Variants in NXPE2 observed in about 807,000 individuals in gnomAD.
NXPE2 encodes neurexophilin and PC-esterase domain family member 2, also known as NXPE family member 2.
In NXPE2, 34 loss-of-function variants were observed where a neutral mutation model predicts 34.4. The ratio of observed to expected loss-of-function variants is 0.99; its 90% confidence interval spans 0.75 to 1.31. NXPE2 has a LOEUF of 1.31. NXPE2 is among the 40% of genes most tolerant of loss of function. NXPE2 has a pLI of 0.00. For synonymous variants in NXPE2, 235 were observed against 231.3 expected, an observed-to-expected ratio of 1.02 and a Z score of -0.15; for missense variants, 649 against 672.5, an observed-to-expected ratio of 0.97 and a Z score of 0.39.
At chr11:114,670,204 C>T in the NXPE2 span, among the ~76,000 whole-genome samples, 1 of 151,862 alleles carries the variant, frequency 6.6e-6, no homozygotes, top group Admixed American at 6.6e-5. Flanking sequence ...TAGAGGCTAT[C>T]CATTAGGTAT....
chr11:114,619,391 G>A, the NXPE2 span, among the ~76,000 whole-genome samples: 4 of 151,906 alleles, frequency 2.6e-5, no homozygotes, highest in African/African-American at 7.3e-5. Context: ...GGTAACCACT[G>A]TTACCCAGTG....
At chr11:114,654,567 T>G in the NXPE2 span, among the ~76,000 whole-genome samples, 1 of 152,080 alleles carries the variant, frequency 6.6e-6, no homozygotes, top group Non-Finnish European at 1.5e-5. Context: ...GTGAGAACAT[T>G]CGGTGTTTGG....
At chr11:114,627,991 C>A in the NXPE2 span, among the ~76,000 whole-genome samples, 1 of 151,674 alleles carries the variant, frequency 6.6e-6, no homozygotes, top group Non-Finnish European at 1.5e-5. Flanking sequence ...ATATATGGAC[C>A]CAACACAGGA....
chr11:114,621,738 C>T, the NXPE2 span, among the ~76,000 whole-genome samples: 13 of 152,208 alleles, frequency 8.5e-5, no homozygotes, highest in East Asian at 5.8e-4. Context: ...TGGGTAACCA[C>T]GGTTAACTGC....
At chr11:114,767,455 C>T in the NXPE2 span, among the ~76,000 whole-genome samples, 1 of 152,218 alleles carries the variant, frequency 6.6e-6, no homozygotes, top group Non-Finnish European at 1.5e-5. Context: ...TTCTGATCCA[C>T]ATGCCCTTTC....
At chr11:114,660,901 G>A in the NXPE2 span, among the ~76,000 whole-genome samples, 5 of 152,106 alleles carry the variant, frequency 3.3e-5, no homozygotes, top group African/African-American at 1.2e-4. Flanking sequence ...AGATTATAAG[G>A]TTCAACGTTA....
the NXPE2 span, among the ~76,000 whole-genome samples, chr11:114,490,486 A>G: frequency 6.6e-6 from 1 of 152,252 alleles, no homozygotes; most frequent in Admixed American, 6.5e-5. Context: ...ACAGCATGGT[A>G]CTGATACCAA....
At chr11:114,535,441 T>A in the NXPE2 span, among the ~76,000 whole-genome samples, 2 of 152,076 alleles carry the variant, frequency 1.3e-5, no homozygotes, top group Admixed American at 6.5e-5. Flanking sequence ...ATACTAACCA[T>A]AAATGTAAAT....
the NXPE2 span, chr11:114,551,199 C>T: frequency 6.5e-7 from 1 of 1,530,438 alleles, no homozygotes; most frequent in Non-Finnish European, 8.8e-7. Context: ...TATTTGAGGA[C>T]ATGACGAATG....
the NXPE2 span, among the ~76,000 whole-genome samples, chr11:114,801,970 C>T: frequency 6.6e-6 from 1 of 151,976 alleles, no homozygotes; most frequent in African/African-American, 2.4e-5. Context: ...GAGGTAAGGG[C>T]TACACTTATA....
chr11:114,675,202 T>G (rs2135522089), upstream of NXPE2, among the ~76,000 whole-genome samples: 1 of 151,906 alleles, frequency 6.6e-6, no homozygotes, highest in South Asian at 2.1e-4. Flanking sequence ...CCACAACTAA[T>G]ATCATACTCA....
the NXPE2 span, among the ~76,000 whole-genome samples, chr11:114,726,853 T>G: frequency 1.8e-4 from 28 of 152,184 alleles, no homozygotes; most frequent in Middle Eastern, 6.8e-3. Context: ...GCCTTTTCTC[T>G]AGTTTCCAAT....
chr11:114,598,398 A>G, the NXPE2 span, among the ~76,000 whole-genome samples: 1 of 143,286 alleles, frequency 7.0e-6, no homozygotes, highest in Non-Finnish European at 1.5e-5. Context: ...TCCACTAGGC[A>G]GTGCCCCAGT....
At chr11:114,758,684 AG>A in the NXPE2 span, among the ~76,000 whole-genome samples, 1 of 152,102 alleles carries the variant, frequency 6.6e-6, no homozygotes, top group Non-Finnish European at 1.5e-5. Flanking sequence ...TCACTTGCAT[AG>A]ATTCCTTCTA....
At chr11:114,475,226 G>GTT in the NXPE2 span, among the ~76,000 whole-genome samples, 1,131 of 87,942 alleles carry the variant, frequency 0.013, 304 homozygotes, top group Middle Eastern at 0.033. Flanking sequence ...AATGTGAACT[G>GTT]TTTTTTTTTT....
At chr11:114,775,969 A>C in the NXPE2 span, among the ~76,000 whole-genome samples, 1 of 152,174 alleles carries the variant, frequency 6.6e-6, no homozygotes, top group South Asian at 2.1e-4. Context: ...GTGAGAATGC[A>C]ATTCATTACT....
chr11:114,541,809 C>T, the NXPE2 span, among the ~76,000 whole-genome samples: 1 of 152,144 alleles, frequency 6.6e-6, no homozygotes, highest in Non-Finnish European at 1.5e-5. Context: ...AAGAACCAAA[C>T]AAATTTTACA....
the NXPE2 span, among the ~76,000 whole-genome samples, chr11:114,517,210 G>T: frequency 6.6e-6 from 1 of 152,282 alleles, no homozygotes; most frequent in Non-Finnish European, 1.5e-5. Flanking sequence ...TCAAAAAGGA[G>T]GGAACTTGAA....
chr11:114,784,678 A>G, the NXPE2 span, among the ~76,000 whole-genome samples: 8 of 151,864 alleles, frequency 5.3e-5, no homozygotes, highest in African/African-American at 1.9e-4. Context: ...CTAAGGGGGG[A>G]AAAAAAGCTC....
Sources: allele counts gnomAD v4.1 joint callset (sites outside exome capture counted in the v4.1 genomes callset), GRCh38; gene constraint gnomAD v4.1.1; transcripts MANE v1.5; gene names NCBI Gene and HGNC (gene_info 2026-07-23, HGNC 2026-07-21).